GNA12: variants seen among roughly 807,000 people sequenced by gnomAD.
The protein encoded by GNA12 is G protein subunit alpha 12.
In GNA12, 9 loss-of-function variants were observed where a neutral mutation model predicts 26.0. The observed-to-expected ratio is 0.35, with a 90% confidence interval of 0.21 to 0.60. The LOEUF (loss-of-function observed/expected upper bound fraction) is 0.60, where lower values mean the gene tolerates loss of function less well. Among genes scored for constraint, GNA12 ranks in the 20% least tolerant of loss-of-function variants. The probability of loss-of-function intolerance (pLI) is 0.78; values close to 1 mark genes in which losing one functional copy is unlikely to be tolerated. For synonymous variants in GNA12, 264 were observed against 219.6 expected, an observed-to-expected ratio of 1.20 and a Z score of -1.79; for missense variants, 405 against 525.8, an observed-to-expected ratio of 0.77 and a Z score of 2.25.
At chr7:2,802,577 T>G (rs1245191026) in intron 1 of GNA12, among the ~76,000 whole-genome samples, 3 of 152,206 alleles carry the variant, frequency 2.0e-5, no homozygotes, top group Admixed American at 2.0e-4. Context: ...CATAAAATGC[T>G]TTAAGATAAT....
rs112804248 is a variant in GNA12 at position 2,737,508 on chromosome 7, C to T, written c.526-4007G>A. ...TTCACCAGGTTAACCAGGCTGGTCT[C>T]GAACTCCTGACCTCAGGTAATCCAC... On this transcript the variant is annotated intron_variant, in intron 2 of 3. Coordinates refer to ENST00000275364, the MANE Select transcript of GNA12 (RefSeq NM_007353.3). Among the ~76,000 whole-genome samples the T allele has an allele frequency of 6.6e-3, 1,006 of 152,082 alleles. 13 individuals are homozygous for T. Among genetic ancestry groups the T allele is most frequent in the African/African-American group, 0.023 (944 of 41,474 alleles).
chr7:2,808,717 C>G (rs1793009577), intron 1 of GNA12, among the ~76,000 whole-genome samples: 2 of 152,224 alleles, frequency 1.3e-5, no homozygotes, highest in African/African-American at 4.8e-5. Flanking sequence ...CATCTCTCAC[C>G]TGGATTATGG....
rs1779096013 is a variant in GNA12, at chr7:2,844,134, G to A, written c.28C>T (p.Arg10Cys). The change falls in exon 1 of 4, where the codon CGC (arginine) becomes TGC (cysteine). Residue 10 changes from arginine to cysteine, a missense_variant. Transcript: ENST00000275364. ...CCGGCCTCGGCCGGCAGCAGGCAGC[G>A]GCTGAGGGTCCGCACCACCCCGGAC... MSGVVRTLS[R>C]CLLPAEAGGA... 1 of 986,876 alleles carries A rather than the reference G, an allele frequency of 1.0e-6. No individual in the cohort carries two copies. Among genetic ancestry groups the A allele is most frequent in the African/African-American group, 1.8e-5 (1 of 56,562 alleles). The allele number at this position is 986,876 out of a possible 1,614,324, so 61.1% of individuals were successfully genotyped here.
At chr7:2,762,485 G>C in intron 2 of GNA12, 3 of 732,318 alleles carry the variant, frequency 4.1e-6, no homozygotes, top group South Asian at 2.5e-5. Flanking sequence ...CCGTGTGCGG[G>C]GCCTGAGGTG....
intron 1 of GNA12, among the ~76,000 whole-genome samples, chr7:2,821,994 G>A (rs757754287): frequency 2.6e-5 from 4 of 152,166 alleles, no homozygotes; most frequent in Admixed American, 1.3e-4. Flanking sequence ...CCAGGCCCTC[G>A]CATGCCCGCC....
chr7:2,815,424 T>A (rs1333359796), intron 1 of GNA12, among the ~76,000 whole-genome samples: 1 of 152,158 alleles, frequency 6.6e-6, no homozygotes, highest in Non-Finnish European at 1.5e-5. Context: ...TGAGGGAGGC[T>A]GGAGCGTGTA....
intron 2 of GNA12, among the ~76,000 whole-genome samples, chr7:2,759,834 C>T (rs886616355): frequency 5.9e-5 from 9 of 152,146 alleles, no homozygotes; most frequent in Non-Finnish European, 1.2e-4. Context: ...GCAACGGGTG[C>T]AGATGCCGTC....
intron 2 of GNA12, among the ~76,000 whole-genome samples, chr7:2,780,670 C>T (rs912492164): frequency 2.6e-5 from 4 of 152,096 alleles, no homozygotes; most frequent in Non-Finnish European, 5.9e-5. Context: ...TCTTTTGTGT[C>T]TGGTATCTTT....
At chr7:2,763,011 C>CCCG in intron 2 of GNA12, 17 of 1,277,758 alleles carry the variant, frequency 1.3e-5, no homozygotes, top group Non-Finnish European at 1.7e-5. Flanking sequence ...CGCCAACAGC[C>CCCG]CCGCCGGCCA....
rs1186282275 is a variant in GNA12 at position 2,728,995 on chromosome 7, A to T, written c.*2186T>A. The stretch of plus-strand genomic sequence containing the variant: ...GACCCCACAATATCTCCTTCCTCTC[A>T]TGCTTCTGGTTTGAAAGTGACGAGT... On this transcript the variant is annotated 3_prime_UTR_variant, in exon 4 of 4. Coordinates refer to ENST00000275364, the MANE Select transcript of GNA12 (RefSeq NM_007353.3). 4 of 152,372 alleles carry T rather than the reference A, an allele frequency of 2.6e-5. No homozygotes were observed. The highest frequency in any genetic ancestry group is 5.9e-5 in the Non-Finnish European group (4 of 68,064). The allele number at this position is 152,372 out of a possible 1,614,324, so 9.4% of individuals were successfully genotyped here.
chr7:2,741,785 G>C (rs942166020), intron 2 of GNA12, among the ~76,000 whole-genome samples: 2 of 151,384 alleles, frequency 1.3e-5, no homozygotes, highest in Non-Finnish European at 2.9e-5. Context: ...GAGGACACCT[G>C]CTTCTACAAC....
chr7:2,800,699 C>G (rs1385890417), intron 1 of GNA12, among the ~76,000 whole-genome samples: 1 of 152,188 alleles, frequency 6.6e-6, no homozygotes, highest in African/African-American at 2.4e-5. Flanking sequence ...CTTGCTAAAA[C>G]CCTAACTGGA....
At chr7:2,777,251 G>A (rs1209427556) in intron 2 of GNA12, among the ~76,000 whole-genome samples, 1 of 152,194 alleles carries the variant, frequency 6.6e-6, no homozygotes, top group African/African-American at 2.4e-5. Context: ...TAGTAGCAGA[G>A]GGTAACGGAA....
In GNA12 at chr7:2,780,051, CATATATATATATATAT is replaced by C. The variant is rs3996399; in HGVS notation, c.525+14861_525+14876del. Among the ~76,000 whole-genome samples, 580 of 62,208 alleles carry C rather than the reference CATATATATATATATAT, an allele frequency of 9.3e-3. 23 individuals are homozygous for C. The highest frequency in any genetic ancestry group is 0.024 in the African/African-American group (421 of 17,452). 40.8% of individuals were successfully genotyped at this position (62,208 alleles called of 152,430 possible). A position where few individuals can be genotyped will look rare whatever the true frequency, so the allele number is the denominator to read the frequency against. On this transcript the variant is annotated intron_variant, in intron 2 of 3. Transcript: ENST00000275364. The stretch of plus-strand genomic sequence containing the variant: ...CTAGTTTTTTACACATTTCTGTGTA[CATATATATATATATAT>C]ATATATATATATATATATATATATA...
chr7:2,778,910 T>A (rs1212248522), intron 2 of GNA12, among the ~76,000 whole-genome samples: 1 of 152,220 alleles, frequency 6.6e-6, no homozygotes, highest in Non-Finnish European at 1.5e-5. Context: ...GGGTTGATAC[T>A]ACCACCCTTT....
intron 1 of GNA12, among the ~76,000 whole-genome samples, chr7:2,834,870 T>A (rs576305382): frequency 1.3e-5 from 2 of 152,254 alleles, no homozygotes; most frequent in African/African-American, 4.8e-5. Flanking sequence ...TTTGTGTAGG[T>A]CCACTCTAGG....
intron 2 of GNA12, among the ~76,000 whole-genome samples, chr7:2,740,283 A>G (rs1021659189): frequency 2.6e-5 from 4 of 152,142 alleles, no homozygotes; most frequent in Non-Finnish European, 5.9e-5. Context: ...CCCTACCTGC[A>G]GTGTGATGGT....
intron 1 of GNA12, among the ~76,000 whole-genome samples, chr7:2,829,542 T>G (rs889277685): frequency 4.6e-5 from 7 of 152,226 alleles, no homozygotes; most frequent in African/African-American, 1.7e-4. Context: ...TTCTGCCATT[T>G]CCCTGTGCAT....
At chr7:2,742,459 T>G (rs1790555979) in intron 2 of GNA12, among the ~76,000 whole-genome samples, 1 of 152,216 alleles carries the variant, frequency 6.6e-6, no homozygotes, top group East Asian at 1.9e-4. Flanking sequence ...GACATTCCAC[T>G]GTCAACAAGA....
Sources: gnomAD v4.1 joint callset for allele counts (sites outside exome capture counted in the v4.1 genomes callset) on GRCh38, gnomAD v4.1.1 for gene constraint, MANE v1.5 for transcripts, NCBI Gene and HGNC (gene_info 2026-07-23, HGNC 2026-07-21) for gene names.